RALGPS1: variants seen among roughly 807,000 people sequenced by gnomAD.
RALGPS1 encodes the protein Ral GEF with PH domain and SH3 binding motif 1, also known as ras-specific guanine nucleotide-releasing factor RalGPS1.
In RALGPS1, 19 loss-of-function variants were observed where a neutral mutation model predicts 78.8. The observed-to-expected ratio is 0.24, with a 90% CI of 0.17 to 0.35. The LOEUF is 0.35. Ranked by LOEUF, RALGPS1 falls within the 10% of genes least tolerant of loss-of-function variation. The pLI, the probability that RALGPS1 is intolerant of heterozygous loss-of-function variation, is 1.00. For missense variants in RALGPS1, 454 were observed against 688.3 expected, an observed-to-expected ratio of 0.66 and a Z score of 3.81; for synonymous variants, 228 against 256.3, an observed-to-expected ratio of 0.89 and a Z score of 1.06.
In RALGPS1 at chr9:127,210,450, A is replaced by T; in HGVS notation, c.1248-1681A>T. ...GACACTGGAAAAAGGGTGAACACTCAATAAAAAGTTGAAAGAATTACGCGG... is the reference window on the plus strand; with the variant it reads ...GACACTGGAAAAAGGGTGAACACTCTATAAAAAGTTGAAAGAATTACGCGG... On this transcript the variant is annotated intron_variant, in intron 14 of 18. Transcript: ENST00000259351. 3 of 551,482 alleles carry T rather than the reference A, an allele frequency of 5.4e-6. No individual in the cohort carries two copies. In the Admixed American group the frequency reaches 9.6e-5, roughly 18 times the overall value. The allele number at this position is 551,482 out of a possible 1,614,324, so 34.2% of individuals were successfully genotyped here.
At chr9:126,931,032 A>G (rs2035741778) in intron 1 of RALGPS1, among the ~76,000 whole-genome samples, 1 of 152,236 alleles carries the variant, frequency 6.6e-6, no homozygotes. Flanking sequence ...TCAGAAGGTA[A>G]TTAGGCCAGA....
chr9:126,954,439 C>T (rs369596199), intron 1 of RALGPS1, among the ~76,000 whole-genome samples: 4 of 152,156 alleles, frequency 2.6e-5, no homozygotes, highest in South Asian at 2.1e-4. Context: ...ACAGAGTAGC[C>T]GAAGTGATCT....
chr9:126,939,821 G>A (rs1293634683), intron 1 of RALGPS1, among the ~76,000 whole-genome samples: 3 of 152,230 alleles, frequency 2.0e-5, no homozygotes, highest in African/African-American at 7.2e-5. Context: ...CAAGCGTTGC[G>A]GAGGGCTAAG....
Position 127,036,136 on chromosome 9 carries a change from T to G in RALGPS1, c.300+1622T>G, listed in dbSNP as rs73591246. On this transcript the variant is annotated intron_variant, in intron 5 of 18. Coordinates refer to ENST00000259351, the MANE Select transcript of RALGPS1 (RefSeq NM_014636.3). ...GTTGTGTCCAGCTCAGACCAAGTGA[T>G]GAAATGAGCCAGAAGCAAAGTCACA... Among the ~76,000 whole-genome samples the G allele has an allele frequency of 5.7e-3, 863 of 152,344 alleles. 9 individuals are homozygous for G. The highest frequency in any genetic ancestry group is 0.019 in the African/African-American group (809 of 41,578).
chr9:127,201,612 C>A (rs1193511201), intron 14 of RALGPS1, among the ~76,000 whole-genome samples: 4 of 152,224 alleles, frequency 2.6e-5, no homozygotes, highest in Admixed American at 1.3e-4. Flanking sequence ...TCTTCATTGC[C>A]TGTGGCTCTC....
rs372321747 is a variant in RALGPS1, at chr9:127,100,420, T to C, written c.610+31064T>C. Among the ~76,000 whole-genome samples the C allele has an allele frequency of 2.6e-5, 4 of 152,348 alleles. 1 individual carries two copies. The highest frequency in any genetic ancestry group is 9.6e-5 in the African/African-American group (4 of 41,584). Reference sequence around the variant, plus strand: ...TGCAGCACTACTTTCCAGAGGCCACTGTCCAAAGCATTGCGTCGCTCTTAG... The same window carrying C: ...TGCAGCACTACTTTCCAGAGGCCACCGTCCAAAGCATTGCGTCGCTCTTAG... On this transcript the variant is annotated intron_variant, in intron 8 of 18. Coordinates refer to ENST00000259351, the MANE Select transcript of RALGPS1 (RefSeq NM_014636.3).
At chr9:127,182,384 CCCTCCCTCCCTCCCTT>C in intron 11 of RALGPS1, among the ~76,000 whole-genome samples, 8 of 31,768 alleles carry the variant, frequency 2.5e-4, no homozygotes, top group African/African-American at 9.8e-4. Flanking sequence ...CTCCCTCCCT[CCCTCCCTCCCTCCCTT>C]CCTTCCTCCC....
chr9:127,185,516 A>G (rs1331178972), intron 11 of RALGPS1, among the ~76,000 whole-genome samples: 3 of 152,254 alleles, frequency 2.0e-5, no homozygotes, highest in Admixed American at 6.5e-5. Flanking sequence ...TAAAAGTGAG[A>G]TAGCAACAGT....
At chr9:127,024,407 T>C (rs1187437317) in intron 4 of RALGPS1, among the ~76,000 whole-genome samples, 1 of 150,510 alleles carries the variant, frequency 6.6e-6, no homozygotes, top group Non-Finnish European at 1.5e-5. Context: ...ACCAGCTTTG[T>C]GTGGTATCTT....
intron 7 of RALGPS1, among the ~76,000 whole-genome samples, chr9:127,058,894 C>G (rs1314740547): frequency 2.0e-5 from 3 of 152,198 alleles, no homozygotes; most frequent in Non-Finnish European, 1.5e-5. Flanking sequence ...GAGTTTGACT[C>G]ATTTGCAGCA....
chr9:126,947,270 A>G (rs929913310), intron 1 of RALGPS1, among the ~76,000 whole-genome samples: 1 of 152,154 alleles, frequency 6.6e-6, no homozygotes, highest in South Asian at 2.1e-4. Context: ...ACATCATCTT[A>G]TTAATCCTTT....
chr9:126,960,395 G>A (rs972773079), intron 1 of RALGPS1, among the ~76,000 whole-genome samples: 3 of 151,460 alleles, frequency 2.0e-5, no homozygotes, highest in African/African-American at 7.3e-5. Context: ...CACCACGCCC[G>A]GCTAATTTTT....
intron 11 of RALGPS1, among the ~76,000 whole-genome samples, chr9:127,191,700 G>GTTTT (rs11375987): frequency 6.4e-5 from 8 of 125,526 alleles, no homozygotes; most frequent in Non-Finnish European, 1.1e-4. Context: ...GTTTTTTTTT[G>GTTTT]TTTTTTTTTT....
chr9:127,203,639 C>T (rs2061768327), intron 14 of RALGPS1, among the ~76,000 whole-genome samples: 2 of 152,164 alleles, frequency 1.3e-5, no homozygotes, highest in Admixed American at 1.3e-4. Context: ...CATTCCTCTT[C>T]CTGCTCTGGG....
At chr9:126,995,178 CA>C (rs1311381632) in intron 4 of RALGPS1, among the ~76,000 whole-genome samples, 2 of 152,082 alleles carry the variant, frequency 1.3e-5, no homozygotes, top group East Asian at 3.9e-4. Flanking sequence ...TCACACATAA[CA>C]ATATTAACTT....
intron 8 of RALGPS1, among the ~76,000 whole-genome samples, chr9:127,150,620 G>A (rs1205917643): frequency 6.6e-6 from 1 of 152,192 alleles, no homozygotes; most frequent in Non-Finnish European, 1.5e-5. Flanking sequence ...TCAGGGAGTT[G>A]GCATGAGGCA....
chr9:127,191,728 C>CAGAG (rs1248724947), intron 11 of RALGPS1, among the ~76,000 whole-genome samples: 2 of 124,572 alleles, frequency 1.6e-5, no homozygotes, highest in Non-Finnish European at 3.2e-5. Flanking sequence ...GATGGAGTCT[C>CAGAG]ACTCTGTCAC....
intron 8 of RALGPS1, among the ~76,000 whole-genome samples, chr9:127,156,286 G>A (rs920095161): frequency 1.3e-5 from 2 of 152,176 alleles, no homozygotes; most frequent in African/African-American, 2.4e-5. Flanking sequence ...GCAATTTGTA[G>A]TAGTATTGCT....
At chr9:126,954,967 A>G (rs529045983) in intron 1 of RALGPS1, among the ~76,000 whole-genome samples, 1 of 152,264 alleles carries the variant, frequency 6.6e-6, no homozygotes, top group African/African-American at 2.4e-5. Flanking sequence ...CTCCATGATA[A>G]ACCTGCTAGG....
Sources: gnomAD v4.1 joint callset for allele counts (sites outside exome capture counted in the v4.1 genomes callset) on GRCh38, gnomAD v4.1.1 for gene constraint, MANE v1.5 for transcripts, NCBI Gene and HGNC (gene_info 2026-07-23, HGNC 2026-07-21) for gene names.